Variants in SLC25A48 observed in about 807,000 individuals in gnomAD.
SLC25A48 encodes CTC-321K16.1.
In SLC25A48, 29 loss-of-function variants were observed where a neutral mutation model predicts 32.2. The observed-to-expected ratio is 0.90, with a 90% CI of 0.67 to 1.23. SLC25A48 has a LOEUF of 1.23. SLC25A48 is among the 50% of genes most tolerant of loss of function. SLC25A48 has a pLI of 0.00. For synonymous variants in SLC25A48, 164 were observed against 172.3 expected, an observed-to-expected ratio of 0.95 and a Z score of 0.38; for missense variants, 399 against 422.7, an observed-to-expected ratio of 0.94 and a Z score of 0.49.
chr5:135,853,549 A>G (rs910761084), intron 4 of SLC25A48, among the ~76,000 whole-genome samples: 1 of 152,244 alleles, frequency 6.6e-6, no homozygotes, highest in Non-Finnish European at 1.5e-5. Context: ...CTCATCCATA[A>G]GAAGTAACTC....
At chr5:135,877,655 C>T (rs548710672) in intron 6 of SLC25A48, among the ~76,000 whole-genome samples, 21 of 152,244 alleles carry the variant, frequency 1.4e-4, no homozygotes, top group Non-Finnish European at 2.8e-4. Context: ...AAACCATCCA[C>T]ACAGCCCTGC....
intron 3 of SLC25A48, among the ~76,000 whole-genome samples, chr5:135,788,354 G>C (rs1384899131): frequency 1.4e-5 from 2 of 139,276 alleles, no homozygotes; most frequent in African/African-American, 2.5e-5. Context: ...GGGTTGGGGG[G>C]TGTACACCCC....
At chr5:135,626,681 G>T (rs545406771) in intron 1 of SLC25A48, among the ~76,000 whole-genome samples, 2 of 152,140 alleles carry the variant, frequency 1.3e-5, no homozygotes, top group Admixed American at 1.3e-4. Flanking sequence ...AGAGGGTAAT[G>T]CCCCAATCTA....
chr5:135,712,207 C>T (rs946627164), intron 3 of SLC25A48, among the ~76,000 whole-genome samples: 2 of 152,102 alleles, frequency 1.3e-5, no homozygotes, highest in Admixed American at 6.5e-5. Context: ...AACTGCCAGA[C>T]GAGGTACATT....
At chr5:135,735,352 T>A (rs78287091) in intron 3 of SLC25A48, among the ~76,000 whole-genome samples, 1 of 152,158 alleles carries the variant, frequency 6.6e-6, no homozygotes, top group Admixed American at 6.5e-5. Context: ...GAAGTTTTTT[T>A]CTAATGTCAG....
intron 4 of SLC25A48, among the ~76,000 whole-genome samples, chr5:135,815,972 A>G (rs1188555016): frequency 6.6e-6 from 1 of 152,228 alleles, no homozygotes; most frequent in African/African-American, 2.4e-5. Context: ...TTTATAAACA[A>G]AAGAGGTTTA....
intron 3 of SLC25A48, among the ~76,000 whole-genome samples, chr5:135,737,527 GCC>G (rs1755403912): frequency 6.6e-6 from 1 of 152,136 alleles, no homozygotes; most frequent in Non-Finnish European, 1.5e-5. Context: ...CCCTGACCAA[GCC>G]CTATTTTCCT....
chr5:135,725,244 A>G (rs1023045369), intron 3 of SLC25A48, among the ~76,000 whole-genome samples: 2 of 152,226 alleles, frequency 1.3e-5, no homozygotes, highest in African/African-American at 2.4e-5. Flanking sequence ...TGAAACATCT[A>G]TCTTAGCACG....
intron 4 of SLC25A48, among the ~76,000 whole-genome samples, chr5:135,862,882 C>T (rs572764629): frequency 2.0e-5 from 3 of 152,050 alleles, no homozygotes; most frequent in South Asian, 4.2e-4. Context: ...TGGATTTCTT[C>T]GCTGAGGATA....
chr5:135,799,347 G>T (rs1218946489), intron 3 of SLC25A48, among the ~76,000 whole-genome samples: 3 of 151,700 alleles, frequency 2.0e-5, no homozygotes, highest in South Asian at 2.1e-4. Context: ...CCAGGGAAAA[G>T]AAGATGATAT....
At chr5:135,776,411 A>G (rs987740977) in intron 3 of SLC25A48, among the ~76,000 whole-genome samples, 9 of 151,934 alleles carry the variant, frequency 5.9e-5, no homozygotes, top group African/African-American at 2.2e-4. Context: ...CTTCTGTGAT[A>G]TTGTTCCAAA....
At chr5:135,840,901 T>C (rs545005949) in intron 1 of SLC25A48, among the ~76,000 whole-genome samples, 1 of 152,364 alleles carries the variant, frequency 6.6e-6, no homozygotes, top group East Asian at 1.9e-4. Context: ...GTACTTGTTT[T>C]AGTATCTGTT....
At chr5:135,589,696 AT>A (rs1444545336) in intron 1 of SLC25A48, among the ~76,000 whole-genome samples, 11 of 129,756 alleles carry the variant, frequency 8.5e-5, no homozygotes, top group African/African-American at 3.1e-4. Flanking sequence ...TAATGTATTC[AT>A]TTATTTATTT....
At chr5:135,786,186 C>T (rs1186215559) in intron 3 of SLC25A48, among the ~76,000 whole-genome samples, 2 of 151,092 alleles carry the variant, frequency 1.3e-5, no homozygotes, top group Admixed American at 6.6e-5. Context: ...ACTATTACTC[C>T]CCATGGGGCA....
chr5:135,579,857 T>A (rs891644327), intron 1 of SLC25A48, among the ~76,000 whole-genome samples: 1 of 152,194 alleles, frequency 6.6e-6, no homozygotes, highest in South Asian at 2.1e-4. Flanking sequence ...CGAGGTATAG[T>A]GGTGTGAGCC....
upstream of SLC25A48, among the ~76,000 whole-genome samples, chr5:135,831,821 C>T (rs80089576): frequency 6.9e-3 from 1,053 of 152,296 alleles, 15 homozygotes; most frequent in African/African-American, 0.025. Context: ...TTCAAAGTTT[C>T]AGAAGCTCAC....
intron 3 of SLC25A48, among the ~76,000 whole-genome samples, chr5:135,807,264 C>A (rs1757484013): frequency 6.8e-6 from 1 of 148,076 alleles, no homozygotes; most frequent in Non-Finnish European, 1.5e-5. Context: ...TATGTTAACA[C>A]TCTGTGTTAA....
chr5:135,861,729 A>G (rs1760813014), intron 4 of SLC25A48, among the ~76,000 whole-genome samples: 1 of 152,224 alleles, frequency 6.6e-6, no homozygotes, highest in Admixed American at 6.5e-5. Context: ...ATTTCCCTAA[A>G]TGTGTGGGCT....
chr5:135,637,245 G>A (rs1752725317), intron 3 of SLC25A48, among the ~76,000 whole-genome samples: 1 of 152,188 alleles, frequency 6.6e-6, no homozygotes, highest in Non-Finnish European at 1.5e-5. Context: ...ATACCTTCCT[G>A]CTGGAGTTGA....
Sources: gnomAD v4.1 joint callset for allele counts (sites outside exome capture counted in the v4.1 genomes callset) on GRCh38, gnomAD v4.1.1 for gene constraint, MANE v1.5 for transcripts, NCBI Gene and HGNC (gene_info 2026-07-23, HGNC 2026-07-21) for gene names.